WDHD1: variants seen among roughly 807,000 people sequenced by gnomAD.
WDHD1 encodes WD repeat and HMG-box DNA-binding protein 1.
A neutral mutation model predicts 135.4 loss-of-function variants in WDHD1; 111 were observed. The ratio of observed to expected loss-of-function variants is 0.82; its 90% confidence interval spans 0.70 to 0.96. WDHD1 has a LOEUF of 0.96. WDHD1 is among the 40% of genes least tolerant of loss of function. The probability of loss-of-function intolerance (pLI) is 0.00; values close to 1 mark genes in which losing one functional copy is unlikely to be tolerated. For synonymous variants in WDHD1, 434 were observed against 439.0 expected, an observed-to-expected ratio of 0.99 and a Z score of 0.14; for missense variants, 1,351 against 1,336.3, an observed-to-expected ratio of 1.01 and a Z score of -0.17.
chr14:55,020,853 C>A (rs1021738630), intron 2 of WDHD1, among the ~76,000 whole-genome samples: 2 of 152,128 alleles, frequency 1.3e-5, no homozygotes, highest in African/African-American at 4.8e-5. Flanking sequence ...TATACTGTAT[C>A]TGTACAATAC....
chr14:54,966,286 G>T lies in WDHD1; in HGVS notation c.2310+189C>A, dbSNP rs1465510072. Among the ~76,000 whole-genome samples the T allele has an allele frequency of 2.0e-5, 3 of 151,616 alleles. No individual in the cohort carries two copies. In the East Asian group the frequency reaches 5.8e-4, roughly 29 times the overall value. On this transcript the variant is annotated intron_variant, in intron 18 of 25. Transcript: ENST00000360586. ...GGAGGCAGAGGTTGCAGTGAGCCGA[G>T]ATCGCACCACTGCACTCCAGCCTGG...
At chr14:54,972,564 AAAAAAAAAAAAAAAAAAAAAAAAAAAT>A (rs1414178135) in intron 16 of WDHD1, among the ~76,000 whole-genome samples, 3 of 101,076 alleles carry the variant, frequency 3.0e-5, no homozygotes, top group East Asian at 6.1e-4. Flanking sequence ...AAAAAAAAAA[AAAAAAAAAAAAAAAAAAAAAAAAAAAT>A]GCCAATGAGG....
intron 8 of WDHD1, among the ~76,000 whole-genome samples, chr14:55,001,492 G>A (rs1359696200): frequency 6.6e-6 from 1 of 151,682 alleles, no homozygotes; most frequent in Non-Finnish European, 1.5e-5. Context: ...CGGATTCCTG[G>A]CCTCAAGCAA....
chr14:55,017,359 T>G lies in WDHD1; in HGVS notation c.78-3763A>C, dbSNP rs557745435. ...AAATCAATATTCTTTTTTTTTCTTT[T>G]TGAAACAGGGCCTTGCTCTGTTGCT... On this transcript the variant is annotated intron_variant, in intron 2 of 25. Transcript: ENST00000360586. Among the ~76,000 whole-genome samples, 59 of 152,300 alleles carry G rather than the reference T, an allele frequency of 3.9e-4. 2 individuals are homozygous for G. In the South Asian group the frequency reaches 0.012, roughly 30 times the overall value.
chr14:54,996,108 G>A (rs529817831), intron 10 of WDHD1, among the ~76,000 whole-genome samples: 2 of 152,234 alleles, frequency 1.3e-5, no homozygotes, highest in East Asian at 3.9e-4. Context: ...TTCCTCAGAA[G>A]TCATTCCCTA....
At chr14:54,987,428 TGA>T in intron 13 of WDHD1, 41 bp from the exon 14 acceptor site, 1 of 1,548,708 alleles carries the variant, frequency 6.5e-7, no homozygotes, top group Non-Finnish European at 8.8e-7. Context: ...AACTTTCATA[TGA>T]TATTTACATA....
At chr14:54,994,573 C>T (rs2041846490) in intron 11 of WDHD1, among the ~76,000 whole-genome samples, 1 of 152,020 alleles carries the variant, frequency 6.6e-6, no homozygotes, top group East Asian at 1.9e-4. Flanking sequence ...TCTGGTTGCA[C>T]TCCATGGTGA....
intron 14 of WDHD1, among the ~76,000 whole-genome samples, chr14:54,986,771 G>A (rs2041701100): frequency 6.6e-6 from 1 of 152,172 alleles, no homozygotes; most frequent in Non-Finnish European, 1.5e-5. Flanking sequence ...AGAAAGACAT[G>A]AGGGGAGGAA....
chr14:54,965,362 A>G (rs1490467531), intron 18 of WDHD1, among the ~76,000 whole-genome samples: 1 of 152,362 alleles, frequency 6.6e-6, no homozygotes, highest in East Asian at 1.9e-4. Flanking sequence ...TAAATATTCT[A>G]GACACCAAAC....
At position 54,991,586 on chromosome 14, in the gene WDHD1, C is replaced by T. The variant is rs2041790986; in HGVS notation, c.1154-186G>A. On this transcript the variant is annotated intron_variant, in intron 11 of 25. Coordinates refer to ENST00000360586, the MANE Select transcript of WDHD1 (RefSeq NM_007086.4). The stretch of plus-strand genomic sequence containing the variant: ...GCAATGGTGGGTAAAATTCCTGGTG[C>T]CTTGGCACCAATCAAGGCAGTGGCA... Among the ~76,000 whole-genome samples the T allele has an allele frequency of 2.6e-5, 4 of 152,254 alleles. No homozygotes were observed. In the South Asian group the frequency reaches 6.2e-4, roughly 24 times the overall value.
intron 10 of WDHD1, among the ~76,000 whole-genome samples, chr14:54,997,488 C>T (rs533375042): frequency 1.1e-4 from 17 of 152,282 alleles, no homozygotes; most frequent in African/African-American, 3.9e-4. Context: ...TAAATCCATA[C>T]ATTGAAAAAT....
chr14:55,016,580 C>T (rs996241796), intron 2 of WDHD1, among the ~76,000 whole-genome samples: 4 of 152,186 alleles, frequency 2.6e-5, no homozygotes, highest in South Asian at 2.1e-4. Context: ...TCTTGTGAAG[C>T]ATGATTCTTC....
At chr14:54,986,510 T>C (rs555652963) in intron 14 of WDHD1, among the ~76,000 whole-genome samples, 39 of 151,940 alleles carry the variant, frequency 2.6e-4, no homozygotes, top group African/African-American at 9.2e-4. Flanking sequence ...TTTCTTACTG[T>C]GGCAAAGCAG....
At chr14:54,995,229 T>C (rs1222376453) in intron 11 of WDHD1, among the ~76,000 whole-genome samples, 1 of 152,196 alleles carries the variant, frequency 6.6e-6, no homozygotes, top group Middle Eastern at 3.4e-3. Context: ...GATCTGCCCA[T>C]TTCAGCCTCC....
At chr14:54,956,580 G>A (rs2041162296) in intron 23 of WDHD1, among the ~76,000 whole-genome samples, 2 of 152,166 alleles carry the variant, frequency 1.3e-5, no homozygotes, top group South Asian at 4.1e-4. Context: ...AGAGGCTGCA[G>A]TGAGCTGAGA....
At chr14:54,949,972 C>G (rs1195831025) in intron 24 of WDHD1, among the ~76,000 whole-genome samples, 1 of 152,118 alleles carries the variant, frequency 6.6e-6, no homozygotes, top group Non-Finnish European at 1.5e-5. Context: ...CACGCCTGCC[C>G]TACAAGAGCT....
At chr14:55,012,818 C>T (rs1300502241) in intron 3 of WDHD1, among the ~76,000 whole-genome samples, 1 of 152,078 alleles carries the variant, frequency 6.6e-6, no homozygotes, top group Non-Finnish European at 1.5e-5. Flanking sequence ...AATCATGAGG[C>T]CAGAGCCCTC....
At chr14:54,991,103 G>T in intron 12 of WDHD1, 110 bp downstream of exon 12, 1 of 591,946 alleles carries the variant, frequency 1.7e-6, no homozygotes, top group Non-Finnish European at 3.0e-6. Context: ...AAGTGCTCCA[G>T]GCTACTTAAT....
Position 54,962,718 on chromosome 14 carries a change from G to T in WDHD1, c.2647+20C>A. 1 of 1,610,890 alleles carries T rather than the reference G, an allele frequency of 6.2e-7. No homozygotes were observed. Among genetic ancestry groups the T allele is most frequent in the Non-Finnish European group, 8.5e-7 (1 of 1,177,354 alleles). ...TCCATGATAGTTCTCATGATTTATG[G>T]GCTTGAAAATGTATCTCACCAGGCT... On this transcript the variant is annotated intron_variant, in intron 20 of 25. Transcript: ENST00000360586.
Sources: allele counts gnomAD v4.1 joint callset (sites outside exome capture counted in the v4.1 genomes callset), GRCh38; gene constraint gnomAD v4.1.1; transcripts MANE v1.5; gene names NCBI Gene and HGNC (gene_info 2026-07-23, HGNC 2026-07-21).